The following HSD11B1L variants were observed in gnomAD, a reference collection of about 807,000 sequenced individuals.
HSD11B1L encodes the protein hydroxysteroid 11-beta dehydrogenase 1 like.
In HSD11B1L, 22 loss-of-function variants were observed where a neutral mutation model predicts 27.0. The observed-to-expected ratio is 0.81, with a 90% CI of 0.58 to 1.16. The LOEUF (loss-of-function observed/expected upper bound fraction) is 1.16. HSD11B1L is among the 50% of genes most tolerant of loss of function. HSD11B1L has a pLI of 0.00. For synonymous variants in HSD11B1L, 187 were observed against 189.2 expected (o/e 0.99, Z 0.09); for missense variants, 372 against 401.8 (o/e 0.93, Z 0.63).
rs2054766346 is a variant in HSD11B1L, at chr19:5,688,359, C to T, written c.*414C>T. 4.6e-6 allele frequency: 3 copies of T among 654,548 alleles called. No homozygotes were observed. The highest frequency in any genetic ancestry group is 2.7e-5 in the East Asian group (1 of 36,710). 40.5% of individuals were successfully genotyped at this position (654,548 alleles called of 1,614,324 possible). On this transcript the variant is annotated 3_prime_UTR_variant, in exon 8 of 8. Transcript: ENST00000339423. Reference sequence around the variant, plus strand: ...CTGGGAGGAACCCCCCCAACTCCTGCCAGCTTCCCCTAGCTGGGGTCTCTG... The same window carrying T: ...CTGGGAGGAACCCCCCCAACTCCTGTCAGCTTCCCCTAGCTGGGGTCTCTG...
In HSD11B1L at chr19:5,687,065, G is replaced by T; in HGVS notation, c.408+74G>T. The T allele has an allele frequency of 1.5e-6, 2 of 1,357,032 alleles. No individual in the cohort carries two copies. Among genetic ancestry groups the T allele is most frequent in the Non-Finnish European group, 2.0e-6 (2 of 988,884 alleles). 84.1% of individuals were successfully genotyped at this position (1,357,032 alleles called of 1,614,324 possible). A position where few individuals can be genotyped will look rare whatever the true frequency, so the allele number is the denominator to read the frequency against. On this transcript the variant is annotated intron_variant, in intron 5 of 7. Coordinates refer to ENST00000339423, the MANE Select transcript of HSD11B1L (RefSeq NM_198706.3). The surrounding 1 kb of genome is among the most constrained non-coding windows in gnomAD (Gnocchi z 6.6). ...GGTGGTCCGTTCCCTTCGCGGTCCG[G>T]GTTCTGCCTTCTCCAGGGAGGGCTC... is the stretch of plus-strand genomic sequence containing the variant.
rs780048368 is a variant in HSD11B1L, at chr19:5,686,423, G to A, written c.212G>A (p.Gly71Glu). Residue 71 changes from glycine to glutamate, a missense_variant, in exon 4 of 8, where the codon GGG (glycine) becomes GAG (glutamate). Gly to Glu is a moderately conservative substitution (Grantham distance 98, BLOSUM62 -2). Coordinates refer to ENST00000339423, the MANE Select transcript of HSD11B1L (RefSeq NM_198706.3). ...HTEALLQKVV[G>E]NCRKLGAPKV... ...AGCTCTGGCCCCCCCCAGGTGGTAG[G>A]GAACTGCCGGAAGCTGGGCGCCCCC... is the stretch of plus-strand genomic sequence containing the variant. 20 of 1,571,788 alleles carry A rather than the reference G, an allele frequency of 1.3e-5. No individual in the cohort carries two copies. Among genetic ancestry groups the A allele is most frequent in the Non-Finnish European group, 1.6e-5 (19 of 1,159,882 alleles).
Position 5,685,030 on chromosome 19 carries a change from G to A in HSD11B1L, c.115G>A (p.Ala39Thr), listed in dbSNP as rs756833114. ...GARVLLTGAN[A>T]GVGEELAYHY... ...GCGAGTGCTGCTGACAGGGGCCAACGCTGGTGTTGGTGAGGAGCTGGCCTA... is the reference window on the plus strand; with the variant it reads ...GCGAGTGCTGCTGACAGGGGCCAACACTGGTGTTGGTGAGGAGCTGGCCTA... Residue 39 changes from alanine to threonine, a missense_variant, in exon 3 of 8, where the codon GCT (alanine) becomes ACT (threonine). Coordinates refer to ENST00000339423, the MANE Select transcript of HSD11B1L (RefSeq NM_198706.3). This position sits in a 1 kb window ranked among gnomAD's most constrained non-coding sequence, Gnocchi z 4.3. 3.2e-5 allele frequency: 51 copies of A among 1,577,216 alleles called. No homozygotes were observed. The highest frequency in any genetic ancestry group is 4.1e-5 in the Non-Finnish European group (48 of 1,161,332).
intron 4 of HSD11B1L, 36 bp downstream of exon 4, chr19:5,686,563 C>A: frequency 6.7e-7 from 1 of 1,500,916 alleles, no homozygotes. Flanking sequence ...AGTCCGGGAC[C>A]GTGGCCTAGG....
rs779606571 is a variant in HSD11B1L at position 5,687,534 on chromosome 19, C to T, written c.534C>T (p.Tyr178=). The change falls in exon 7 of 8, where the codon TAC becomes TAT. Residue 178 remains tyrosine, a synonymous_variant. Coordinates refer to ENST00000339423, the MANE Select transcript of HSD11B1L (RefSeq NM_198706.3). The surrounding 1 kb of genome is among the most constrained non-coding windows in gnomAD (Gnocchi z 6.6). ...TGCCCACGTCGTTCTCCACTCCCTA[C>T]TCGGCGGCCAAGTTTGCGCTGGACG... is the stretch of plus-strand genomic sequence containing the variant. ...GRVPTSFSTP[Y]SAAKFALDGF... is the part of the protein sequence containing the mutation. The T allele has an allele frequency of 1.3e-6, 2 of 1,599,832 alleles. No individual in the cohort carries two copies. The highest frequency in any genetic ancestry group is 1.1e-5 in the South Asian group (1 of 90,962).
In HSD11B1L at chr19:5,685,341, C is replaced by T. The variant is rs1002340269; in HGVS notation, c.204+222C>T. The T allele has an allele frequency of 8.7e-6, 6 of 689,160 alleles. No homozygotes were observed. The highest frequency in any genetic ancestry group is 1.6e-5 in the Non-Finnish European group (6 of 383,310). 42.7% of individuals were successfully genotyped at this position (689,160 alleles called of 1,614,324 possible). ...GCTTGTAGTCAGCACTTTGGGAGGC[C>T]GAGGAAAGTGGATCACCTGAGGTCA... On this transcript the variant is annotated intron_variant, in intron 3 of 7. Coordinates refer to ENST00000339423, the MANE Select transcript of HSD11B1L (RefSeq NM_198706.3). The surrounding 1 kb of genome is among the most constrained non-coding windows in gnomAD (Gnocchi z 4.3).
In HSD11B1L at chr19:5,686,883, C is replaced by T. The variant is rs1321115165; in HGVS notation, c.317-17C>T. ...TTGGGGAGGGGCCTCCGGGGCTGAC[C>T]GGCGTTTCTGGGCCAGGCGGGCTGG... is the stretch of plus-strand genomic sequence containing the variant. On this transcript the variant is annotated splice_polypyrimidine_tract_variant and intron_variant, in intron 4 of 7. Coordinates refer to ENST00000339423, the MANE Select transcript of HSD11B1L (RefSeq NM_198706.3). The T allele has an allele frequency of 6.5e-6, 10 of 1,535,380 alleles. No individual in the cohort carries two copies. In the East Asian group the frequency reaches 7.4e-5, roughly 11 times the overall value.
intron 1 of HSD11B1L, among the ~76,000 whole-genome samples, chr19:5,682,796 C>G (rs1393150066): frequency 3.3e-5 from 5 of 151,416 alleles, no homozygotes; most frequent in Admixed American, 3.3e-4. Flanking sequence ...GTCCCCTTCC[C>G]CTTGTCCCAT....
At chr19:5,681,592 A>G (rs766586410) in intron 1 of HSD11B1L, among the ~76,000 whole-genome samples, 2 of 150,300 alleles carry the variant, frequency 1.3e-5, no homozygotes, top group South Asian at 2.1e-4. Context: ...CCATCCATCT[A>G]TTTATCTGGC....
chr19:5,687,030 C>T lies in HSD11B1L; in HGVS notation c.408+39C>T. 6.7e-7 allele frequency: 1 copy of T among 1,492,704 alleles called. No individual in the cohort carries two copies. Among genetic ancestry groups the T allele is most frequent in the Non-Finnish European group, 9.1e-7 (1 of 1,104,038 alleles). 92.5% of individuals were successfully genotyped at this position (1,492,704 alleles called of 1,614,324 possible). A position where few individuals can be genotyped will look rare whatever the true frequency, so the allele number is the denominator to read the frequency against. ...CCGCGGCCCCGGCCCGCCCCTCTATCTCAGGGACCGGTGGTCCGTTCCCTT... is the reference window on the plus strand; with the variant it reads ...CCGCGGCCCCGGCCCGCCCCTCTATTTCAGGGACCGGTGGTCCGTTCCCTT... On this transcript the variant is annotated intron_variant, in intron 5 of 7. Transcript: ENST00000339423. This position sits in a 1 kb window ranked among gnomAD's most constrained non-coding sequence, Gnocchi z 6.6.
Position 5,687,290 on chromosome 19 carries a change from T to G in HSD11B1L, c.417T>G (p.Phe139Leu), listed in dbSNP as rs573835230. Residue 139 changes from phenylalanine (F) to leucine (L), a missense_variant, in exon 6 of 8, where the codon TTT becomes TTG. Physicochemically the swap from Phe to Leu is conservative, Grantham distance 22 (BLOSUM62 0). Coordinates refer to ENST00000339423, the MANE Select transcript of HSD11B1L (RefSeq NM_198706.3). This position sits in a 1 kb window ranked among gnomAD's most constrained non-coding sequence, Gnocchi z 6.6. ...GCGAGTGCCGCCTGCAGGTAAACTT[T>G]GTGAGCTACGTGCAACTGACGTCGC... ...QATRWLMQVNFVSYVQLTSRA... is the reference protein window; with the variant it reads ...QATRWLMQVNLVSYVQLTSRA... 5 of 1,612,624 alleles carry G rather than the reference T, an allele frequency of 3.1e-6. No individual in the cohort carries two copies. Among genetic ancestry groups the G allele is most frequent in the Admixed American group, 1.7e-5 (1 of 60,006 alleles).
Position 5,685,759 on chromosome 19 carries a change from T to TAGC in HSD11B1L, c.204+642_204+643insCAG, listed in dbSNP as rs200673744. ...TCTCAAAAAAAAGAAAAAAAAAAAT[T>TAGC]AGGGCATGGTGGCGCGAGCATGTAG... On this transcript the variant is annotated intron_variant, in intron 3 of 7. Transcript: ENST00000339423. The surrounding 1 kb of genome is among the most constrained non-coding windows in gnomAD (Gnocchi z 4.3). Among the ~76,000 whole-genome samples, 3,105 of 140,332 alleles carry TAGC rather than the reference T, an allele frequency of 0.022. 54 individuals carry two copies. The highest frequency in any genetic ancestry group is 0.029 in the East Asian group (137 of 4,794). 92.1% of individuals were successfully genotyped at this position (140,332 alleles called of 152,430 possible). A position where few individuals can be genotyped will look rare whatever the true frequency, so the allele number is the denominator to read the frequency against.
Position 5,685,773 on chromosome 19 carries a change from G to A in HSD11B1L, c.205-643G>A, listed in dbSNP as rs958659467. ...AAAAAAAAAATTAGGGCATGGTGGCGCGAGCATGTAGTCCCAGCTACATGG... is the reference window on the plus strand; with the variant it reads ...AAAAAAAAAATTAGGGCATGGTGGCACGAGCATGTAGTCCCAGCTACATGG... On this transcript the variant is annotated intron_variant, in intron 3 of 7. Transcript: ENST00000339423. This position sits in a 1 kb window ranked among gnomAD's most constrained non-coding sequence, Gnocchi z 4.3. Among the ~76,000 whole-genome samples, 25 of 151,094 alleles carry A rather than the reference G, an allele frequency of 1.7e-4. No individual in the cohort carries two copies. Among genetic ancestry groups the A allele is most frequent in the Non-Finnish European group, 3.1e-4 (21 of 67,816 alleles).
At position 5,681,587 on chromosome 19, in the gene HSD11B1L, CATCT is replaced by C. The variant is rs1295768303; in HGVS notation, c.-15+319_-15+322del. Among the ~76,000 whole-genome samples, 4 of 152,076 alleles carry C rather than the reference CATCT, an allele frequency of 2.6e-5. No homozygotes were observed. The South Asian group carries it at 6.2e-4, about 24-fold the overall frequency. On this transcript the variant is annotated intron_variant, in intron 1 of 7. Transcript: ENST00000339423. ...CCACTCATCCATCTGTCCACCCATC[CATCT>C]ATTTATCTGGCCACCCACTCATCTA...
intron 1 of HSD11B1L, among the ~76,000 whole-genome samples, chr19:5,681,901 G>T (rs1473715762): frequency 6.6e-6 from 1 of 152,216 alleles, no homozygotes; most frequent in African/African-American, 2.4e-5. Flanking sequence ...CAGTCCATCT[G>T]GTCCCACTTC....
At position 5,685,199 on chromosome 19, in the gene HSD11B1L, G is replaced by GATCC. The variant is rs1398002449; in HGVS notation, c.204+82_204+85dup. The stretch of plus-strand genomic sequence containing the variant: ...AGAGCCTGGGTTTAATCCCTGCAAT[G>GATCC]ATCCAGGCTTCCCGTGTGACCTTGG... On this transcript the variant is annotated intron_variant, in intron 3 of 7. Transcript: ENST00000339423. This position sits in a 1 kb window ranked among gnomAD's most constrained non-coding sequence, Gnocchi z 4.3. 3.5e-5 allele frequency: 53 copies of GATCC among 1,499,192 alleles called. No homozygotes were observed. In the Admixed American group the frequency reaches 1.0e-3, roughly 29 times the overall value. The allele number at this position is 1,499,192 out of a possible 1,614,324, so 92.9% of individuals were successfully genotyped here.
chr19:5,684,720 G>T, intron 1 of HSD11B1L, 99 bp from the exon 2 acceptor site: 1 of 1,574,168 alleles, frequency 6.4e-7, no homozygotes, highest in South Asian at 1.1e-5. Flanking sequence ...GGATAGGAAG[G>T]CGTGGATCCA....
At chr19:5,683,014 C>T (rs1192039983) in intron 1 of HSD11B1L, among the ~76,000 whole-genome samples, 1 of 151,784 alleles carries the variant, frequency 6.6e-6, no homozygotes, top group Non-Finnish European at 1.5e-5. Flanking sequence ...CCTAGCTGCT[C>T]CATTGGCTGG....
chr19:5,683,969 T>C, intron 1 of HSD11B1L: 2 of 414,502 alleles, frequency 4.8e-6, no homozygotes, highest in Non-Finnish European at 8.6e-6. Context: ...GTCACTGTTC[T>C]TTTTTTGTTT....
Sources: allele counts gnomAD v4.1 joint callset (sites outside exome capture counted in the v4.1 genomes callset), GRCh38; gene constraint gnomAD v4.1.1; non-coding constraint Gnocchi (gnomAD v3.1); transcripts MANE v1.5; gene names NCBI Gene and HGNC (gene_info 2026-07-23, HGNC 2026-07-21).